DCAF8L2: variants seen among roughly 807,000 people sequenced by gnomAD.
The protein encoded by DCAF8L2 is DDB1- and CUL4-associated factor 8-like protein 2.
For missense variants in DCAF8L2, 430 were observed against 490.7 expected, an observed-to-expected ratio of 0.88 and a Z score of 1.17; for synonymous variants, 200 against 190.9, an observed-to-expected ratio of 1.05 and a Z score of -0.39.
chrX:27,567,232 G>A, the DCAF8L2 span, among the ~76,000 whole-genome samples: 1 of 109,507 alleles, frequency 9.1e-6, no homozygotes, highest in Non-Finnish European at 1.9e-5. Flanking sequence ...GTATATGTCT[G>A]TTGGTTCCAT....
upstream of DCAF8L2, among the ~76,000 whole-genome samples, chrX:27,589,257 T>A (rs983508352): frequency 1.4e-4 from 16 of 111,464 alleles, no homozygotes; most frequent in African/African-American, 4.9e-4. Flanking sequence ...TAAGAAAATG[T>A]TTACAGAGAG....
intron 1 of DCAF8L2, among the ~76,000 whole-genome samples, chrX:27,624,289 C>A (rs891463768): frequency 9.0e-6 from 1 of 110,943 alleles, no homozygotes; most frequent in Non-Finnish European, 1.9e-5. Context: ...TAGAAGACCT[C>A]ACAGAATAAC....
intron 3 of DCAF8L2, among the ~76,000 whole-genome samples, chrX:27,697,427 A>G (rs1930965627): frequency 9.0e-6 from 1 of 111,377 alleles, no homozygotes; most frequent in Non-Finnish European, 1.9e-5. Context: ...TGTGTGATAA[A>G]ATTAGAAACA....
chrX:27,479,564 G>A, the DCAF8L2 span, among the ~76,000 whole-genome samples: 1 of 112,014 alleles, frequency 8.9e-6, no homozygotes, highest in African/African-American at 3.2e-5. Context: ...AAAGCTCAGT[G>A]AAATTTGTTA....
At chrX:27,546,596 C>T in the DCAF8L2 span, among the ~76,000 whole-genome samples, 1 of 112,609 alleles carries the variant, frequency 8.9e-6, no homozygotes, top group Non-Finnish European at 1.9e-5. Flanking sequence ...CATTTCCATA[C>T]ATACTGTAAA....
the DCAF8L2 span, among the ~76,000 whole-genome samples, chrX:27,573,894 T>C: frequency 1.8e-5 from 2 of 110,624 alleles, no homozygotes; most frequent in African/African-American, 6.6e-5. Context: ...GTGGTCTCAC[T>C]AAATTGTCCA....
the DCAF8L2 span, among the ~76,000 whole-genome samples, chrX:27,524,879 A>C: frequency 8.9e-6 from 1 of 112,101 alleles, no homozygotes; most frequent in African/African-American, 3.2e-5. Context: ...GTTTGATTGC[A>C]TTGTGATCTG....
At chrX:27,730,390 A>G (rs766118738) in intron 4 of DCAF8L2, among the ~76,000 whole-genome samples, 1 of 111,967 alleles carries the variant, frequency 8.9e-6, no homozygotes, top group East Asian at 2.8e-4. Flanking sequence ...GACCTCTAGA[A>G]CTTATTCATC....
intron 3 of DCAF8L2, among the ~76,000 whole-genome samples, chrX:27,686,753 T>C (rs1569182070): frequency 8.9e-6 from 1 of 112,216 alleles, no homozygotes; most frequent in South Asian, 3.7e-4. Flanking sequence ...ATAGAAATGA[T>C]AAATGCTCTG....
chrX:27,521,721 C>T, the DCAF8L2 span, among the ~76,000 whole-genome samples: 1 of 111,561 alleles, frequency 9.0e-6, no homozygotes, highest in Non-Finnish European at 1.9e-5. Context: ...TTCATAGCTA[C>T]ACATACTTTT....
chrX:27,606,316 TAG>T (rs1926881801), intron 1 of DCAF8L2, among the ~76,000 whole-genome samples: 3 of 71,552 alleles, frequency 4.2e-5, no homozygotes, highest in African/African-American at 5.4e-5. Context: ...TATATATATA[TAG>T]GAATTATATA....
At chrX:27,554,157 C>T in the DCAF8L2 span, among the ~76,000 whole-genome samples, 3 of 111,411 alleles carry the variant, frequency 2.7e-5, no homozygotes, top group Admixed American at 1.9e-4. Context: ...ATTTACTCTC[C>T]GGCGCCTCAC....
intron 2 of DCAF8L2, among the ~76,000 whole-genome samples, chrX:27,665,065 A>T: frequency 9.0e-6 from 1 of 111,031 alleles, no homozygotes. Flanking sequence ...TTCAATTCTT[A>T]TTACTTTTAT....
chrX:27,515,973 CATA>C, the DCAF8L2 span, among the ~76,000 whole-genome samples: 5 of 112,219 alleles, frequency 4.5e-5, no homozygotes, highest in Admixed American at 9.5e-5. Context: ...CTTTCTTTTT[CATA>C]ATGTCTGCCC....
At chrX:27,560,790 G>A in the DCAF8L2 span, among the ~76,000 whole-genome samples, 1 of 112,023 alleles carries the variant, frequency 8.9e-6, no homozygotes, top group African/African-American at 3.2e-5. Context: ...TGTTGCTGAT[G>A]CCATGGCCTT....
At chrX:27,686,675 A>G (rs1930519341) in intron 3 of DCAF8L2, among the ~76,000 whole-genome samples, 1 of 111,802 alleles carries the variant, frequency 8.9e-6, no homozygotes, top group Non-Finnish European at 1.9e-5. Flanking sequence ...TAGGGGTCCT[A>G]TAGTTAATGA....
chrX:27,621,036 A>G (rs1351368415), intron 1 of DCAF8L2, among the ~76,000 whole-genome samples: 3 of 112,338 alleles, frequency 2.7e-5, no homozygotes, highest in Non-Finnish European at 5.6e-5. Context: ...AATCTTGAAG[A>G]CATAATACTA....
the DCAF8L2 span, among the ~76,000 whole-genome samples, chrX:27,549,744 G>T: frequency 1.8e-5 from 2 of 111,418 alleles, no homozygotes; most frequent in African/African-American, 6.5e-5. Context: ...AATGGCTGCT[G>T]TCATAAACCG....
intron 2 of DCAF8L2, among the ~76,000 whole-genome samples, chrX:27,639,120 G>A (rs1221169692): frequency 8.9e-6 from 1 of 112,119 alleles, no homozygotes; most frequent in Non-Finnish European, 1.9e-5. Flanking sequence ...TAAAAATAAT[G>A]ACATCCAGTC....
Sources: allele counts gnomAD v4.1 joint callset (sites outside exome capture counted in the v4.1 genomes callset), GRCh38; gene constraint gnomAD v4.1.1; transcripts MANE v1.5; gene names NCBI Gene and HGNC (gene_info 2026-07-23, HGNC 2026-07-21).